The following GEN1 variants were observed in gnomAD, a reference collection of about 807,000 sequenced individuals.
GEN1 encodes GEN1 structure-specific endonuclease.
A neutral mutation model predicts 67.6 loss-of-function variants in GEN1; 64 were observed. The observed-to-expected ratio is 0.95, with a 90% CI of 0.77 to 1.17. The LOEUF is 1.17. Among genes scored for constraint, GEN1 ranks in the 50% most tolerant of loss-of-function variants. The pLI is 0.00. For synonymous variants in GEN1, 371 were observed against 359.4 expected, an observed-to-expected ratio of 1.03 and a Z score of -0.37; for missense variants, 1,058 against 1,048.3, an observed-to-expected ratio of 1.01 and a Z score of -0.13.
chr2:17,765,124 TA>T lies in GEN1; in HGVS notation c.525+54del, dbSNP rs1323485820. 3 of 1,541,164 alleles carry T rather than the reference TA, an allele frequency of 1.9e-6. No individual in the cohort carries two copies. In the African/African-American group the frequency reaches 4.1e-5, roughly 21 times the overall value. On this transcript the variant is annotated intron_variant, in intron 4 of 13. Coordinates refer to ENST00000381254, the MANE Select transcript of GEN1 (RefSeq NM_001130009.3). ...GCATTTGTTTACGAACTACCTTTTT[TA>T]AAGGGCTGATTAAATGAAATAGTAG...
chr2:17,773,281 T>G lies in GEN1; in HGVS notation c.1053T>G (p.Pro351=). The change falls in exon 10 of 14, where the codon CCT becomes CCG. Residue 351 remains proline, a synonymous_variant. Coordinates refer to ENST00000381254, the MANE Select transcript of GEN1 (RefSeq NM_001130009.3). ...TGAAGGTTATCAGGTACCAAAGACC[T>G]GATTTGTTATTGTTTCAGGTATCTG... The part of the protein sequence containing the change: ...KLVKVIRYQR[P]DLLLFQRFTL... The G allele has an allele frequency of 6.3e-7, 1 of 1,590,034 alleles. No homozygotes were observed. Among genetic ancestry groups the G allele is most frequent in the Non-Finnish European group, 8.6e-7 (1 of 1,163,140 alleles).
rs762325998 is a variant in GEN1 at position 17,783,104 on chromosome 2, CTG to C, written c.*1166_*1167del. ...AGACAGAGTCTCACTCTTGTCGAGA[CTG>C]GGGTGTAGTGGCGCCATCTTGGCTC... On this transcript the variant is annotated 3_prime_UTR_variant, in exon 14 of 14. Coordinates refer to ENST00000381254, the MANE Select transcript of GEN1 (RefSeq NM_001130009.3). 2 of 152,172 alleles carry C rather than the reference CTG, an allele frequency of 1.3e-5. No individual in the cohort carries two copies. The highest frequency in any genetic ancestry group is 2.9e-5 in the Non-Finnish European group (2 of 68,080). 9.4% of individuals were successfully genotyped at this position (152,172 alleles called of 1,614,324 possible).
chr2:17,756,575 G>T (rs1271327116), intron 1 of GEN1, among the ~76,000 whole-genome samples: 1 of 151,996 alleles, frequency 6.6e-6, no homozygotes, highest in Non-Finnish European at 1.5e-5. Flanking sequence ...ATAGTTCTTG[G>T]TGTAGTATTT....
intron 4 of GEN1, 84 bp downstream of exon 4, chr2:17,765,157 A>C: frequency 7.5e-7 from 1 of 1,329,408 alleles, no homozygotes; most frequent in Non-Finnish European, 1.1e-6. Flanking sequence ...GTAGATATAA[A>C]ATGCTTACTG....
At chr2:17,757,511 A>G (rs1291854458) in intron 1 of GEN1, among the ~76,000 whole-genome samples, 3 of 152,026 alleles carry the variant, frequency 2.0e-5, no homozygotes, top group Admixed American at 1.3e-4. Context: ...ACTACTATTC[A>G]TTTGTGTATG....
intron 1 of GEN1, among the ~76,000 whole-genome samples, chr2:17,757,248 T>G (rs1322765806): frequency 9.3e-6 from 1 of 107,524 alleles, no homozygotes; most frequent in Non-Finnish European, 1.9e-5. Context: ...GTGCTGGACT[T>G]TTTTTTTTTT....
intron 6 of GEN1, among the ~76,000 whole-genome samples, chr2:17,769,804 AATTAAT>A (rs987328559): frequency 3.6e-4 from 54 of 151,380 alleles, no homozygotes; most frequent in Middle Eastern, 3.4e-3. Flanking sequence ...GTTTTATAAA[AATTAAT>A]ATTAATGATG....
intron 3 of GEN1, among the ~76,000 whole-genome samples, chr2:17,763,638 A>G (rs1053331910): frequency 3.3e-5 from 5 of 152,204 alleles, no homozygotes; most frequent in African/African-American, 4.8e-5. Flanking sequence ...AAAAATTGCA[A>G]CAGCCTTATA....
In GEN1 at chr2:17,779,993, A is replaced by T; in HGVS notation, c.1280A>T (p.Glu427Val). ...AATCTTTTAGAACATTATGCTATGG[A>T]AGATAAACAACATGGAGAATTTGCT... is the stretch of plus-strand genomic sequence containing the variant. ...EWEKPEHYAM[E>V]DKQHGEFALL... Residue 427 changes from glutamate (E) to valine (V), a missense_variant, in exon 13 of 14, where the codon GAA becomes GTA. Physicochemically the swap from Glu to Val is moderately radical, Grantham distance 121 (BLOSUM62 -2). Transcript: ENST00000381254. The T allele has an allele frequency of 6.2e-7, 1 of 1,601,200 alleles. No homozygotes were observed. Among genetic ancestry groups the T allele is most frequent in the Non-Finnish European group, 8.6e-7 (1 of 1,168,800 alleles).
intron 1 of GEN1, among the ~76,000 whole-genome samples, chr2:17,758,325 T>C (rs1572387751): frequency 1.3e-5 from 2 of 152,234 alleles, no homozygotes; most frequent in African/African-American, 2.4e-5. Flanking sequence ...TTGTCTTCGA[T>C]AGCAATCTAT....
At chr2:17,778,421 T>C (rs1266097704) in intron 12 of GEN1, among the ~76,000 whole-genome samples, 1 of 37,018 alleles carries the variant, frequency 2.7e-5, no homozygotes, top group African/African-American at 5.8e-5. Flanking sequence ...TATATGTGTG[T>C]ACATATATGT....
At position 17,786,708 on chromosome 2, in the gene GEN1, C is replaced by T. The variant is rs2125193799; in HGVS notation, c.*4769C>T. 6.6e-6 allele frequency: 1 copy of T among 152,112 alleles called. No homozygotes were observed. Among genetic ancestry groups the T allele is most frequent in the Non-Finnish European group, 1.5e-5 (1 of 68,002 alleles). 9.4% of individuals were successfully genotyped at this position (152,112 alleles called of 1,614,324 possible). ...AAATATCACCTCAGAGAGTCCTAAT[C>T]TTTTTATCTCCTGACATTATAAATG... is the stretch of plus-strand genomic sequence containing the variant. On this transcript the variant is annotated 3_prime_UTR_variant, in exon 14 of 14. Coordinates refer to ENST00000381254, the MANE Select transcript of GEN1 (RefSeq NM_001130009.3).
At chr2:17,769,836 A>G (rs544970355) in intron 6 of GEN1, among the ~76,000 whole-genome samples, 1 of 152,334 alleles carries the variant, frequency 6.6e-6, no homozygotes, top group South Asian at 2.1e-4. Context: ...TATAGAATCA[A>G]TAAGAAAGGA....
intron 5 of GEN1, among the ~76,000 whole-genome samples, chr2:17,767,685 C>T (rs16983846): frequency 0.14 from 21,619 of 152,128 alleles, 1,908 homozygotes; most frequent in African/African-American, 0.26. Context: ...AATTTGCTGA[C>T]TTGAACTCAC....
chr2:17,758,265 C>T (rs569394408), intron 1 of GEN1, among the ~76,000 whole-genome samples: 1 of 152,244 alleles, frequency 6.6e-6, no homozygotes, highest in Admixed American at 6.5e-5. Context: ...ATTTTGACTG[C>T]TAGGGTCAGG....
intron 12 of GEN1, 151 bp from the exon 13 acceptor site, chr2:17,779,827 G>A: frequency 1.9e-6 from 1 of 517,006 alleles, no homozygotes. Context: ...GTCTGGTGTT[G>A]GTCAGGCTGG....
In GEN1 at chr2:17,773,117, A is replaced by C. The variant is rs745371749; in HGVS notation, c.975A>C (p.Gly325=). 7 of 1,585,138 alleles carry C rather than the reference A, an allele frequency of 4.4e-6. No individual in the cohort carries two copies. The highest frequency in any genetic ancestry group is 6.1e-6 in the Non-Finnish European group (7 of 1,156,552). The change falls in exon 9 of 14, where the codon GGA becomes GGC. Residue 325 remains glycine, a synonymous_variant. Transcript: ENST00000381254. ...TCAGGAAAGCTTGCTGTTGTGAGGG[A>C]TTCCCATTCCATGAGGTAATATCCA... ...NIKKKACCCE[G]FPFHEVIQEF...
At chr2:17,765,757 A>T (rs941967436) in intron 4 of GEN1, among the ~76,000 whole-genome samples, 6 of 152,230 alleles carry the variant, frequency 3.9e-5, no homozygotes, top group Non-Finnish European at 8.8e-5. Context: ...CATAAAAGAT[A>T]TCCAGACATA....
intron 1 of GEN1, 48 bp from the exon 2 acceptor site, chr2:17,759,881 G>T: frequency 6.7e-7 from 1 of 1,496,154 alleles, no homozygotes; most frequent in East Asian, 2.3e-5. Context: ...CCTGTTATGA[G>T]CTTCTGTTTC....
Sources: allele counts gnomAD v4.1 joint callset (sites outside exome capture counted in the v4.1 genomes callset), GRCh38; gene constraint gnomAD v4.1.1; transcripts MANE v1.5; gene names NCBI Gene and HGNC (gene_info 2026-07-23, HGNC 2026-07-21).